CCSER1: variants seen among roughly 807,000 people sequenced by gnomAD.
CCSER1 encodes the protein serine-rich coiled-coil domain-containing protein 1.
In CCSER1, 41 loss-of-function variants were observed where a neutral mutation model predicts 82.0. The observed-to-expected ratio is 0.50, with a 90% CI of 0.39 to 0.65. CCSER1 has a LOEUF of 0.65. Among genes scored for constraint, CCSER1 ranks in the 30% least tolerant of loss-of-function variants. The pLI is 0.00. For missense variants in CCSER1, 1,119 were observed against 1,064.2 expected (o/e 1.05, Z -0.72); for synonymous variants, 414 against 383.9 (o/e 1.08, Z -0.92).
At position 90,484,314 on chromosome 4, in the gene CCSER1, C is replaced by T. The variant is rs1227740467; in HGVS notation, c.1724+15960C>T. ...GTTTTTAACTTATTTGCCATTGGTT[C>T]GAACTTCCTCCTTTAGCTCGGAGTA... On this transcript the variant is annotated intron_variant, in intron 5 of 10. Transcript: ENST00000509176. 3.9e-5 allele frequency among the ~76,000 whole-genome samples: 6 copies of T among 151,990 alleles called. No homozygotes were observed. The South Asian group carries it at 8.3e-4, about 21-fold the overall frequency.
intron 10 of CCSER1, among the ~76,000 whole-genome samples, chr4:91,100,578 CA>C (rs1227215416): frequency 6.6e-6 from 1 of 152,052 alleles, no homozygotes; most frequent in Admixed American, 6.6e-5. Flanking sequence ...CCAAATATGG[CA>C]AAAAATTCTA....
At chr4:90,438,921 T>C (rs1219293991) in intron 4 of CCSER1, among the ~76,000 whole-genome samples, 1 of 152,202 alleles carries the variant, frequency 6.6e-6, no homozygotes, top group Non-Finnish European at 1.5e-5. Flanking sequence ...TATAAGCATA[T>C]TGGAAATGAG....
At chr4:90,480,807 A>G (rs574910244) in intron 5 of CCSER1, among the ~76,000 whole-genome samples, 98 of 152,310 alleles carry the variant, frequency 6.4e-4, no homozygotes, top group African/African-American at 2.2e-3. Flanking sequence ...GAAGTCAGGT[A>G]GCATGATGCC....
At position 91,262,428 on chromosome 4, in the gene CCSER1, C is replaced by CT. The variant is rs200954349; in HGVS notation, c.2217+176435dup. On this transcript the variant is annotated intron_variant, in intron 10 of 10. Coordinates refer to ENST00000509176, the MANE Select transcript of CCSER1 (RefSeq NM_001145065.2). ...TGGTATAATTTTCTTTTCTTTTTAA[C>CT]TGAGTTGCCCATAGCTGAATATGTT... 9.7e-3 allele frequency among the ~76,000 whole-genome samples: 1,470 copies of CT among 152,024 alleles called. 27 individuals carry two copies. Among genetic ancestry groups the CT allele is most frequent in the African/African-American group, 0.033 (1,353 of 41,482 alleles).
rs1731577058 is a variant in CCSER1, at chr4:91,162,838, T to A, written c.2217+76844T>A. On this transcript the variant is annotated intron_variant, in intron 10 of 10. Coordinates refer to ENST00000509176, the MANE Select transcript of CCSER1 (RefSeq NM_001145065.2). ...TTCTCTTTTTTCTTCTTTATTAGTC[T>A]GGCTAGTGGACTATCAATTTTGTTG... Among the ~76,000 whole-genome samples, 2 of 152,190 alleles carry A rather than the reference T, an allele frequency of 1.3e-5. 1 individual carries two copies. Among genetic ancestry groups the A allele is most frequent in the Admixed American group, 1.3e-4 (2 of 15,284 alleles).
chr4:90,412,400 G>A (rs1413577910), intron 4 of CCSER1, among the ~76,000 whole-genome samples: 1 of 151,250 alleles, frequency 6.6e-6, no homozygotes, highest in Admixed American at 6.6e-5. Flanking sequence ...CACCAACATG[G>A]CACAGGTATA....
intron 5 of CCSER1, among the ~76,000 whole-genome samples, chr4:90,540,025 C>T (rs577870287): frequency 1.3e-5 from 2 of 151,950 alleles, no homozygotes; most frequent in African/African-American, 2.4e-5. Flanking sequence ...CAGACACTGA[C>T]CATAAGTTAT....
intron 10 of CCSER1, among the ~76,000 whole-genome samples, chr4:91,358,391 G>GTT (rs34378206): frequency 0.011 from 1,354 of 126,964 alleles, 99 homozygotes; most frequent in African/African-American, 0.026. Context: ...CCTGACCCAC[G>GTT]TTGTTTTTTT....
chr4:91,030,652 G>A (rs1209526425), intron 9 of CCSER1, among the ~76,000 whole-genome samples: 3 of 151,872 alleles, frequency 2.0e-5, no homozygotes, highest in African/African-American at 7.3e-5. Flanking sequence ...ATTTGCAGAG[G>A]TTTCAAACAA....
chr4:91,352,973 G>A (rs966963293), intron 10 of CCSER1, among the ~76,000 whole-genome samples: 5 of 152,142 alleles, frequency 3.3e-5, no homozygotes, highest in African/African-American at 9.7e-5. Context: ...TATGGGAAGA[G>A]GGTGAGAGAA....
intron 10 of CCSER1, among the ~76,000 whole-genome samples, chr4:91,180,175 C>T (rs1237875400): frequency 2.6e-5 from 4 of 152,268 alleles, no homozygotes; most frequent in Middle Eastern, 3.4e-3. Context: ...CTGAAAGCTT[C>T]GTCTCAGAGG....
chr4:90,975,784 G>C (rs529436014), intron 9 of CCSER1, among the ~76,000 whole-genome samples: 1 of 151,264 alleles, frequency 6.6e-6, no homozygotes, highest in Non-Finnish European at 1.5e-5. Context: ...TTAAAACAAA[G>C]AGATATCCTA....
chr4:90,309,877 G>A lies in CCSER1; in HGVS notation c.1324+269G>A, dbSNP rs573755790. 2.2e-3 allele frequency among the ~76,000 whole-genome samples: 335 copies of A among 151,992 alleles called. 1 individual carries two copies. The highest frequency in any genetic ancestry group is 7.4e-3 in the African/African-American group (308 of 41,494). On this transcript the variant is annotated intron_variant, in intron 2 of 10. Coordinates refer to ENST00000509176, the MANE Select transcript of CCSER1 (RefSeq NM_001145065.2). The stretch of plus-strand genomic sequence containing the variant: ...AACTAAGAAGCAGCCTCTTAGTTAC[G>A]GTGTTTATTGGAGCACCTTCAGAAG...
At chr4:90,868,822 A>G (rs1181694296) in intron 8 of CCSER1, among the ~76,000 whole-genome samples, 2 of 152,192 alleles carry the variant, frequency 1.3e-5, no homozygotes, top group Non-Finnish European at 2.9e-5. Flanking sequence ...ATTCTCACCA[A>G]TAGTGTACGA....
chr4:90,181,635 G>T (rs1163913638), intron 1 of CCSER1, among the ~76,000 whole-genome samples: 1 of 152,046 alleles, frequency 6.6e-6, no homozygotes, highest in East Asian at 1.9e-4. Context: ...GTTCCAAGAG[G>T]CTCCTCAATT....
intron 6 of CCSER1, among the ~76,000 whole-genome samples, chr4:90,654,198 A>G (rs561634698): frequency 6.6e-6 from 1 of 152,274 alleles, no homozygotes; most frequent in African/African-American, 2.4e-5. Flanking sequence ...TTATAGTATA[A>G]AATTGAAATC....
intron 7 of CCSER1, among the ~76,000 whole-genome samples, chr4:90,766,886 A>G (rs1311368988): frequency 3.3e-5 from 5 of 152,052 alleles, no homozygotes; most frequent in South Asian, 2.1e-4. Context: ...TGTTCACTAG[A>G]GCTCATACGA....
At chr4:90,241,903 T>G (rs1746926501) in intron 1 of CCSER1, among the ~76,000 whole-genome samples, 1 of 152,248 alleles carries the variant, frequency 6.6e-6, no homozygotes, top group South Asian at 2.1e-4. Context: ...AAATATGCTT[T>G]GGTATGAAAT....
At position 91,305,659 on chromosome 4, in the gene CCSER1, A is replaced by ATGTATG. The variant is rs1198436411; in HGVS notation, c.2217+219668_2217+219669insATGTGT. On this transcript the variant is annotated intron_variant, in intron 10 of 10. Coordinates refer to ENST00000509176, the MANE Select transcript of CCSER1 (RefSeq NM_001145065.2). ...TTTCTGTTTTTGTCAGTGTGTATGT[A>ATGTATG]TGTGTGTGTGTGTGTGTGCATGTGT... Among the ~76,000 whole-genome samples, 373 of 149,496 alleles carry ATGTATG rather than the reference A, an allele frequency of 2.5e-3. 2 individuals carry two copies. Among genetic ancestry groups the ATGTATG allele is most frequent in the Middle Eastern group, 0.01 (3 of 290 alleles).
Sources: allele counts gnomAD v4.1 joint callset (sites outside exome capture counted in the v4.1 genomes callset), GRCh38; gene constraint gnomAD v4.1.1; transcripts MANE v1.5; gene names NCBI Gene and HGNC (gene_info 2026-07-23, HGNC 2026-07-21).